The following DMD variants were observed in gnomAD, a reference collection of about 807,000 sequenced individuals.
DMD encodes the protein dystrophin.
DMD carries 63 observed loss-of-function variants against 330.1 expected under a neutral mutation model. The observed-to-expected ratio is 0.19, with a 90% CI of 0.16 to 0.24. The LOEUF is 0.24. DMD is among the 10% of genes least tolerant of loss of function. The pLI is 1.00. For synonymous variants in DMD, 1,223 were observed against 959.8 expected (o/e 1.27, Z -5.07); for missense variants, 3,344 against 2,684.1 (o/e 1.25, Z -5.43).
At chrX:31,517,086 C>A (rs771374971) in intron 55 of DMD, among the ~76,000 whole-genome samples, 1 of 111,392 alleles carries the variant, frequency 9.0e-6, no homozygotes, top group East Asian at 2.8e-4. Flanking sequence ...CTTGTTTTTC[C>A]TAGTTTCTTC....
chrX:33,225,676 C>T (rs934169306), intron 1 of DMD, among the ~76,000 whole-genome samples: 2 of 111,083 alleles, frequency 1.8e-5, no homozygotes, highest in Admixed American at 1.9e-4. Context: ...TTAGATTTGA[C>T]GTTAAAATCG....
intron 55 of DMD, among the ~76,000 whole-genome samples, chrX:31,527,948 C>T (rs6628615): frequency 0.25 from 27,864 of 109,858 alleles, 3,440 homozygotes; most frequent in African/African-American, 0.47. Flanking sequence ...CAGTGAACTC[C>T]GTTATATTGA....
intron 33 of DMD, among the ~76,000 whole-genome samples, chrX:32,384,894 T>C: frequency 9.0e-6 from 1 of 111,424 alleles, no homozygotes; most frequent in East Asian, 2.8e-4. Context: ...AAGTCCATTT[T>C]TGGAAATACT....
At chrX:32,947,189 T>G (rs2090878647) in intron 2 of DMD, among the ~76,000 whole-genome samples, 1 of 112,154 alleles carries the variant, frequency 8.9e-6, no homozygotes, top group Non-Finnish European at 1.9e-5. Flanking sequence ...GGAGGATGAT[T>G]TTTCAACTGC....
chrX:32,872,360 T>A (rs2083067891), intron 2 of DMD, among the ~76,000 whole-genome samples: 1 of 111,891 alleles, frequency 8.9e-6, no homozygotes, highest in African/African-American at 3.2e-5. Context: ...ACCCCATGGA[T>A]CACACACAGT....
chrX:32,347,768 T>C (rs1268353139), intron 38 of DMD, among the ~76,000 whole-genome samples: 2 of 111,484 alleles, frequency 1.8e-5, no homozygotes, highest in Non-Finnish European at 3.8e-5. Flanking sequence ...TTAATAAGGA[T>C]GTGATGTACA....
At chrX:31,352,366 C>T (rs2058475273) in intron 60 of DMD, among the ~76,000 whole-genome samples, 3 of 111,022 alleles carry the variant, frequency 2.7e-5, no homozygotes, top group Non-Finnish European at 5.7e-5. Context: ...GATGAAGATG[C>T]CATATGGGAG....
At chrX:33,267,904 T>C (rs994155271) in intron 1 of DMD, among the ~76,000 whole-genome samples, 3 of 111,329 alleles carry the variant, frequency 2.7e-5, no homozygotes, top group African/African-American at 9.8e-5. Context: ...AATAAACTCA[T>C]GGTGGATTAA....
intron 57 of DMD, among the ~76,000 whole-genome samples, chrX:31,492,556 A>G (rs2069406415): frequency 8.9e-6 from 1 of 112,081 alleles, no homozygotes; most frequent in Non-Finnish European, 1.9e-5. Flanking sequence ...GCGCCAAACT[A>G]CAAGTAAAAG....
intron 1 of DMD, among the ~76,000 whole-genome samples, chrX:33,328,023 A>G: frequency 8.9e-6 from 1 of 112,143 alleles, no homozygotes; most frequent in Non-Finnish European, 1.9e-5. Context: ...TGTAAAATTT[A>G]TGTTGTTCTT....
intron 55 of DMD, among the ~76,000 whole-genome samples, chrX:31,595,567 C>T (rs1438214273): frequency 9.0e-6 from 1 of 111,238 alleles, no homozygotes; most frequent in African/African-American, 3.3e-5. Context: ...AATTTAATGA[C>T]TCCCCTGAAT....
intron 61 of DMD, among the ~76,000 whole-genome samples, chrX:31,336,805 G>A (rs1178185931): frequency 8.9e-6 from 1 of 112,047 alleles, no homozygotes; most frequent in East Asian, 2.8e-4. Context: ...GTGTTAGGTG[G>A]AGAGAAGAGA....
chrX:32,503,705 A>ACG (rs1569564947), intron 18 of DMD, among the ~76,000 whole-genome samples: 3 of 109,994 alleles, frequency 2.7e-5, no homozygotes, highest in Non-Finnish European at 5.7e-5. Context: ...ACAGGCGTGC[A>ACG]CCACCACGCC....
intron 44 of DMD, among the ~76,000 whole-genome samples, chrX:32,127,201 C>G (rs1036778366): frequency 9.0e-6 from 1 of 111,602 alleles, no homozygotes; most frequent in South Asian, 3.7e-4. Flanking sequence ...CTTGAGAAAG[C>G]TCAGTGCTGC....
intron 7 of DMD, among the ~76,000 whole-genome samples, chrX:32,803,557 C>T (rs1027782178): frequency 4.5e-5 from 5 of 110,873 alleles, no homozygotes; most frequent in African/African-American, 1.3e-4. Flanking sequence ...GTTAGGATGT[C>T]GATTATAGAT....
At chrX:31,568,963 C>T (rs1006260679) in intron 55 of DMD, among the ~76,000 whole-genome samples, 2 of 110,605 alleles carry the variant, frequency 1.8e-5, no homozygotes, top group East Asian at 2.8e-4. Flanking sequence ...CATTACGATA[C>T]GCATTAACAT....
chrX:32,860,512 G>T (rs975056620), intron 2 of DMD, among the ~76,000 whole-genome samples: 2 of 111,453 alleles, frequency 1.8e-5, no homozygotes, highest in African/African-American at 6.5e-5. Context: ...ACTGAAGAAC[G>T]CTGCTGACCA....
At chrX:32,356,175 C>A (rs1229892852) in intron 37 of DMD, among the ~76,000 whole-genome samples, 1 of 109,071 alleles carries the variant, frequency 9.2e-6, no homozygotes, top group Non-Finnish European at 1.9e-5. Flanking sequence ...TTAGGAGAGC[C>A]AAAATAATTA....
chrX:32,676,009 T>A (rs1279611188), intron 9 of DMD, among the ~76,000 whole-genome samples: 1 of 111,279 alleles, frequency 9.0e-6, no homozygotes, highest in Non-Finnish European at 1.9e-5. Context: ...ATTGGAAAAC[T>A]TGGGTTGAGT....
Sources: gnomAD v4.1 joint callset for allele counts (sites outside exome capture counted in the v4.1 genomes callset) on GRCh38, gnomAD v4.1.1 for gene constraint, MANE v1.5 for transcripts, NCBI Gene and HGNC (gene_info 2026-07-23, HGNC 2026-07-21) for gene names.